Variants in FMN1 observed in about 807,000 individuals in gnomAD.
The protein encoded by FMN1 is formin 1, also known as formin-1.
A neutral mutation model predicts 132.4 loss-of-function variants in FMN1; 110 were observed. The observed-to-expected ratio is 0.83, with a 90% confidence interval of 0.71 to 0.97. FMN1 has a LOEUF of 0.97. Among genes scored for constraint, FMN1 ranks in the 50% least tolerant of loss-of-function variants. FMN1 has a pLI of 0.00. For missense variants in FMN1, 1,792 were observed against 1,705.3 expected (o/e 1.05, Z -0.90); for synonymous variants, 722 against 651.7 (o/e 1.11, Z -1.64).
chr15:32,792,856 A>G (rs2057138766), intron 19 of FMN1, among the ~76,000 whole-genome samples: 1 of 152,198 alleles, frequency 6.6e-6, no homozygotes, highest in African/African-American at 2.4e-5. Flanking sequence ...TACCTTAAGG[A>G]CGGCAACCAC....
At chr15:33,076,678 T>C (rs2038224164) in intron 5 of FMN1, among the ~76,000 whole-genome samples, 1 of 152,162 alleles carries the variant, frequency 6.6e-6, no homozygotes, top group African/African-American at 2.4e-5. Flanking sequence ...ATTATTACTG[T>C]CCAATGAAAC....
chr15:32,907,243 T>C (rs920488118), intron 12 of FMN1, among the ~76,000 whole-genome samples: 1 of 152,200 alleles, frequency 6.6e-6, no homozygotes, highest in African/African-American at 2.4e-5. Context: ...CAACTCACCA[T>C]AATCTAGGAT....
chr15:33,186,645 T>C (rs564814161), intron 2 of FMN1, among the ~76,000 whole-genome samples: 3 of 152,374 alleles, frequency 2.0e-5, no homozygotes, highest in South Asian at 4.1e-4. Context: ...CTCTTCATCA[T>C]GTTTTTCTTT....
intron 7 of FMN1, among the ~76,000 whole-genome samples, chr15:32,988,739 C>T (rs1033005866): frequency 5.3e-5 from 8 of 150,722 alleles, no homozygotes; most frequent in Non-Finnish European, 1.0e-4. Flanking sequence ...CAATAAACCC[C>T]GTTGTTGTTG....
chr15:32,926,285 A>G (rs79561277), intron 9 of FMN1, 24 bp from the exon 10 acceptor site: 17 of 1,309,060 alleles, frequency 1.3e-5, no homozygotes, highest in Admixed American at 2.5e-5. Flanking sequence ...AAAAAAAAAA[A>G]GAATACAAGC....
chr15:33,099,256 A>G (rs1026485467), intron 4 of FMN1, among the ~76,000 whole-genome samples: 1 of 152,220 alleles, frequency 6.6e-6, no homozygotes, highest in African/African-American at 2.4e-5. Flanking sequence ...GTGCCATTGC[A>G]CTTCAACCTG....
chr15:33,126,044 T>C (rs1318986829), intron 4 of FMN1, among the ~76,000 whole-genome samples: 1 of 152,100 alleles, frequency 6.6e-6, no homozygotes, highest in Non-Finnish European at 1.5e-5. Flanking sequence ...AGTGCAGTTG[T>C]GAAAAACAGA....
intron 17 of FMN1, among the ~76,000 whole-genome samples, chr15:32,842,915 C>T (rs1308334055): frequency 2.0e-5 from 3 of 151,092 alleles, no homozygotes; most frequent in South Asian, 2.1e-4. Context: ...CACCTGAGGT[C>T]GGGAGATCGG....
intron 6 of FMN1, among the ~76,000 whole-genome samples, chr15:33,033,010 TTTACTA>T (rs1427298023): frequency 2.0e-5 from 3 of 152,152 alleles, no homozygotes; most frequent in African/African-American, 7.2e-5. Flanking sequence ...TAGCTGCTGT[TTTACTA>T]TTACTGTTTC....
intron 7 of FMN1, among the ~76,000 whole-genome samples, chr15:32,971,782 T>A: frequency 6.6e-6 from 1 of 152,202 alleles, no homozygotes; most frequent in African/African-American, 2.4e-5. Flanking sequence ...GGGAAATATT[T>A]TTGGTGAACT....
intron 7 of FMN1, among the ~76,000 whole-genome samples, chr15:33,006,897 G>C (rs55856020): frequency 6.6e-6 from 1 of 152,024 alleles, no homozygotes; most frequent in Non-Finnish European, 1.5e-5. Flanking sequence ...AGAGAGGGGT[G>C]AAAAGTGGGG....
chr15:32,928,006 A>G (rs1030049949), intron 9 of FMN1, among the ~76,000 whole-genome samples: 1 of 152,226 alleles, frequency 6.6e-6, no homozygotes, highest in African/African-American at 2.4e-5. Context: ...AAGGGACAAC[A>G]ATAGTTTGTT....
At chr15:32,882,825 C>T (rs1388800462) in intron 16 of FMN1, among the ~76,000 whole-genome samples, 7 of 152,154 alleles carry the variant, frequency 4.6e-5, no homozygotes, top group Admixed American at 1.3e-4. Flanking sequence ...AACCATTTTG[C>T]TTCCTAAGAT....
intron 16 of FMN1, among the ~76,000 whole-genome samples, chr15:32,858,143 T>C (rs751078310): frequency 6.6e-6 from 1 of 152,110 alleles, no homozygotes; most frequent in Admixed American, 6.5e-5. Flanking sequence ...ACAGGTAAGG[T>C]ATTTTGGAAG....
At chr15:32,808,940 T>A (rs565323914) in intron 17 of FMN1, among the ~76,000 whole-genome samples, 91 of 152,054 alleles carry the variant, frequency 6.0e-4, no homozygotes, top group African/African-American at 2.0e-3. Context: ...GCTGATGTCC[T>A]TAGCATGGCC....
Position 32,900,112 on chromosome 15 carries a change from A to G in FMN1, c.3521T>C (p.Val1174Ala), listed in dbSNP as rs775946569. ...AGCTAAAATATCCTTCACGCTCTTC[A>G]CGTGCAGCAAGTCCTGTGATGGCAA... ...ITRASKDLLH[V>A]KSVKDILALI... is the part of the protein sequence containing the mutation. Residue 1174 changes from valine (V) to alanine (A), a missense_variant, in exon 14 of 21, where the codon GTG (valine) becomes GCG (alanine). Val to Ala is a moderately conservative substitution (Grantham distance 64). Transcript: ENST00000616417. 19 of 1,613,802 alleles carry G rather than the reference A, an allele frequency of 1.2e-5. No individual in the cohort carries two copies. The highest frequency in any genetic ancestry group is 1.6e-5 in the Non-Finnish European group (19 of 1,179,860).
intron 7 of FMN1, among the ~76,000 whole-genome samples, chr15:32,988,605 A>G (rs775305886): frequency 6.6e-6 from 1 of 152,200 alleles, no homozygotes; most frequent in Non-Finnish European, 1.5e-5. Context: ...TGGACTGGGA[A>G]GAGGCTCGAC....
rs185388337 is a variant in FMN1, at chr15:32,804,696, T to A, written c.3929-364A>T. 3.8e-3 allele frequency among the ~76,000 whole-genome samples: 506 copies of A among 134,706 alleles called. 12 individuals carry two copies. Among genetic ancestry groups the A allele is most frequent in the African/African-American group, 0.014 (484 of 35,788 alleles). The allele number at this position is 134,706 out of a possible 152,430, so 88.4% of individuals were successfully genotyped here. A position where few individuals can be genotyped will look rare whatever the true frequency, so the allele number is the denominator to read the frequency against. On this transcript the variant is annotated intron_variant, in intron 17 of 20. Coordinates refer to ENST00000616417, the MANE Select transcript of FMN1 (RefSeq NM_001277313.2). ...CCCCAACAGGCCCCAGTGTGTGATG[T>A]TCCCCACCCTGTGTCCATCTGTTCT...
intron 17 of FMN1, among the ~76,000 whole-genome samples, chr15:32,833,189 T>C (rs1044055585): frequency 2.0e-5 from 3 of 152,228 alleles, no homozygotes; most frequent in Non-Finnish European, 2.9e-5. Flanking sequence ...TACTGACAGC[T>C]ACCACTTCTA....
Sources: allele counts gnomAD v4.1 joint callset (sites outside exome capture counted in the v4.1 genomes callset), GRCh38; gene constraint gnomAD v4.1.1; transcripts MANE v1.5; gene names NCBI Gene and HGNC (gene_info 2026-07-23, HGNC 2026-07-21).